Variants in LRSAM1 observed in about 807,000 individuals in gnomAD.
LRSAM1 encodes the protein E3 ubiquitin-protein ligase LRSAM1.
Under a neutral mutation model 118.1 loss-of-function variants are expected in LRSAM1, and 96 were observed. That is an observed-to-expected ratio of 0.81 (90% CI 0.69 to 0.96). LRSAM1 has a LOEUF of 0.96. Among genes scored for constraint, LRSAM1 ranks in the 40% least tolerant of loss-of-function variants. The pLI is 0.00. For synonymous variants in LRSAM1, 322 were observed against 364.2 expected (o/e 0.88, Z 1.32); for missense variants, 804 against 915.5 (o/e 0.88, Z 1.57).
intron 18 of LRSAM1, among the ~76,000 whole-genome samples, chr9:127,488,902 C>G (rs546745297): frequency 1.5e-4 from 23 of 152,102 alleles, no homozygotes; most frequent in African/African-American, 5.6e-4. Context: ...CTCTTTCCTG[C>G]AGCCCCGTGG....
At chr9:127,478,883 G>C in intron 11 of LRSAM1, 51 bp from the exon 12 acceptor site, 2 of 1,603,806 alleles carry the variant, frequency 1.2e-6, no homozygotes, top group East Asian at 4.5e-5. Context: ...CCATGCCAGG[G>C]AGAACCACTG....
rs79075038 is a variant in LRSAM1 at position 127,473,505 on chromosome 9, C to T, written c.620-296C>T. On this transcript the variant is annotated intron_variant, in intron 10 of 25. Coordinates refer to ENST00000300417, the MANE Select transcript of LRSAM1 (RefSeq NM_001005373.4). The stretch of plus-strand genomic sequence containing the variant: ...ATTATTGGTAGAGCTGGATCTAGGA[C>T]GCAGGTTTCACTGCTTATCTCAGGC... Among the ~76,000 whole-genome samples the T allele has an allele frequency of 0.037, 5,697 of 152,002 alleles. 165 individuals are homozygous for T. The highest frequency in any genetic ancestry group is 0.058 in the Non-Finnish European group (3,903 of 67,860).
intron 10 of LRSAM1, among the ~76,000 whole-genome samples, chr9:127,469,789 C>T (rs776298301): frequency 6.6e-5 from 10 of 152,164 alleles, no homozygotes; most frequent in African/African-American, 1.2e-4. Context: ...CAGTGAAACC[C>T]TGTCTCTACT....
intron 23 of LRSAM1, 47 bp from the exon 24 acceptor site, chr9:127,497,206 C>G: frequency 1.3e-6 from 2 of 1,588,856 alleles, no homozygotes; most frequent in Non-Finnish European, 8.6e-7. Flanking sequence ...CACCATTTAG[C>G]GGGCTCCCGC....
intron 9 of LRSAM1, among the ~76,000 whole-genome samples, chr9:127,464,573 T>C (rs1834863583): frequency 6.6e-6 from 1 of 151,992 alleles, no homozygotes; most frequent in Non-Finnish European, 1.5e-5. Flanking sequence ...GGCTACCATT[T>C]TAGACAATAC....
intron 9 of LRSAM1, among the ~76,000 whole-genome samples, chr9:127,466,504 ATTTTTTTTTTT>A (rs869115663): frequency 8.2e-5 from 2 of 24,530 alleles, no homozygotes; most frequent in East Asian, 2.0e-3. Context: ...ATATATATAT[ATTTTTTTTTTT>A]TTTTTTTTTT....
chr9:127,487,233 T>A (rs1448402890), intron 17 of LRSAM1, among the ~76,000 whole-genome samples: 1 of 149,628 alleles, frequency 6.7e-6, no homozygotes, highest in Non-Finnish European at 1.5e-5. Flanking sequence ...CAAACATACG[T>A]GAGGCTGCAG....
At chr9:127,455,904 G>A (rs1363055704) in intron 5 of LRSAM1, among the ~76,000 whole-genome samples, 1 of 152,102 alleles carries the variant, frequency 6.6e-6, no homozygotes, top group Non-Finnish European at 1.5e-5. Context: ...GACATTCATA[G>A]TTCTCCTTCC....
chr9:127,503,013 G>A lies in LRSAM1; in HGVS notation c.*114G>A. On this transcript the variant is annotated 3_prime_UTR_variant, in exon 26 of 26. Coordinates refer to ENST00000300417, the MANE Select transcript of LRSAM1 (RefSeq NM_001005373.4). ...CGTATGAGGCTCCCCCCTGCCCTGG[G>A]CCCCTTCCCCACTGCCCAGGAGCCC... 1 of 1,427,324 alleles carries A rather than the reference G, an allele frequency of 7.0e-7. No individual in the cohort carries two copies. Among genetic ancestry groups the A allele is most frequent in the East Asian group, 2.5e-5 (1 of 40,140 alleles). 88.4% of individuals were successfully genotyped at this position (1,427,324 alleles called of 1,614,324 possible). A position where few individuals can be genotyped will look rare whatever the true frequency, so the allele number is the denominator to read the frequency against.
intron 24 of LRSAM1, among the ~76,000 whole-genome samples, chr9:127,498,922 G>C (rs964927068): frequency 5.3e-5 from 8 of 151,976 alleles, no homozygotes; most frequent in Non-Finnish European, 1.2e-4. Context: ...AGCCAGGCGT[G>C]GTGGCGTGCA....
intron 21 of LRSAM1, among the ~76,000 whole-genome samples, chr9:127,493,227 A>G (rs4836564): frequency 0.15 from 22,755 of 151,720 alleles, 2,153 homozygotes; most frequent in East Asian, 0.28. Flanking sequence ...ATGCCTGGCA[A>G]ATTTTTTTAT....
At chr9:127,484,263 C>CTTTTTTTTTTTTTTTTTTCCTTT (rs35834839) in intron 16 of LRSAM1, among the ~76,000 whole-genome samples, 1 of 133,684 alleles carries the variant, frequency 7.5e-6, no homozygotes, top group Admixed American at 7.7e-5. Flanking sequence ...ATTTCTTTCC[C>CTTTTTTTTTTTTTTTTTTCCTTT]TTTTTTTTTT....
intron 10 of LRSAM1, among the ~76,000 whole-genome samples, chr9:127,471,947 G>A (rs994387280): frequency 2.6e-5 from 4 of 151,656 alleles, no homozygotes; most frequent in African/African-American, 4.8e-5. Context: ...ACAAGTGTGA[G>A]CCACCACGCC....
intron 12 of LRSAM1, 81 bp downstream of exon 12, chr9:127,479,044 ACTT>A: frequency 6.9e-7 from 1 of 1,453,126 alleles, no homozygotes; most frequent in South Asian, 1.1e-5. Flanking sequence ...TGAGAAAATG[ACTT>A]CTTCCCAGCT....
Position 127,473,901 on chromosome 9 carries a change from C to A in LRSAM1, c.720C>A (p.Asp240Glu). 6.2e-7 allele frequency: 1 copy of A among 1,614,248 alleles called. No individual in the cohort carries two copies. The highest frequency in any genetic ancestry group is 8.5e-7 in the Non-Finnish European group (1 of 1,180,046). Residue 240 changes from aspartate to glutamate, a missense_variant, in exon 11 of 26, where the codon GAC (aspartate) becomes GAA (glutamate). By Grantham distance (45) the Asp-to-Glu change is conservative. Coordinates refer to ENST00000300417, the MANE Select transcript of LRSAM1 (RefSeq NM_001005373.4). The stretch of plus-strand genomic sequence containing the variant: ...GGGACAGCCCTGATGGGCCCACGGA[C>A]AGATTCTCAAGGGAGGAGTTAGAGT... Reference protein sequence around the residue: ...NSRDSPDGPTDRFSREELEWQ... With the variant: ...NSRDSPDGPTERFSREELEWQ...
intron 17 of LRSAM1, 44 bp from the exon 18 acceptor site, chr9:127,487,632 G>C (rs375139081): frequency 3.8e-5 from 60 of 1,584,374 alleles, no homozygotes; most frequent in Non-Finnish European, 5.0e-5. Context: ...GTAGGTGCTC[G>C]GGAAACGTTC....
chr9:127,489,239 G>A (rs1258863329), intron 18 of LRSAM1, among the ~76,000 whole-genome samples: 3 of 152,178 alleles, frequency 2.0e-5, no homozygotes, highest in African/African-American at 4.8e-5. Flanking sequence ...GTGCGATGCC[G>A]GAAGTGCATC....
At chr9:127,491,000 C>T (rs111789825) in intron 19 of LRSAM1, among the ~76,000 whole-genome samples, 16 of 64,038 alleles carry the variant, frequency 2.5e-4, no homozygotes, top group East Asian at 7.4e-4. Context: ...ACAACAAGCA[C>T]GTCCATGCCC....
chr9:127,483,378 T>C (rs1175806353), intron 16 of LRSAM1, among the ~76,000 whole-genome samples: 1 of 151,806 alleles, frequency 6.6e-6, no homozygotes, highest in Non-Finnish European at 1.5e-5. Flanking sequence ...GCCCAGGAGT[T>C]CAAGGCTGCA....
Sources: gnomAD v4.1 joint callset for allele counts (sites outside exome capture counted in the v4.1 genomes callset) on GRCh38, gnomAD v4.1.1 for gene constraint, MANE v1.5 for transcripts, NCBI Gene and HGNC (gene_info 2026-07-23, HGNC 2026-07-21) for gene names.